Variants in HNF1B observed in about 807,000 individuals in gnomAD.
The protein encoded by HNF1B is hepatocyte nuclear factor 1-beta.
Under a neutral mutation model 61.7 loss-of-function variants are expected in HNF1B, and 8 were observed. That is an observed-to-expected ratio of 0.13 (90% CI 0.08 to 0.23). The LOEUF is 0.23. Among genes scored for constraint, HNF1B ranks in the 10% least tolerant of loss-of-function variants. The probability of loss-of-function intolerance (pLI) is 1.00; values close to 1 mark genes in which losing one functional copy is unlikely to be tolerated. For synonymous variants in HNF1B, 314 were observed against 287.7 expected, an observed-to-expected ratio of 1.09 and a Z score of -0.93; for missense variants, 562 against 714.5, an observed-to-expected ratio of 0.79 and a Z score of 2.43.
intron 4 of HNF1B, among the ~76,000 whole-genome samples, chr17:37,726,164 C>T (rs1025851828): frequency 2.4e-5 from 3 of 123,770 alleles, no homozygotes; most frequent in East Asian, 2.5e-4. Flanking sequence ...GTGTCTTTCT[C>T]TCTCTCTCTC....
In HNF1B at chr17:37,724,124, A is replaced by C. The variant is rs10451318; in HGVS notation, c.1045+7471T>G. Among the ~76,000 whole-genome samples, 78 of 152,320 alleles carry C rather than the reference A, an allele frequency of 5.1e-4. 1 individual carries two copies. Among genetic ancestry groups the C allele is most frequent in the African/African-American group, 1.8e-3 (75 of 41,562 alleles). ...AGTTGCTAATCCAACTCCAGTACTCAAAAGTGTGTCCCAGACCATCCTCTT... is the reference window on the plus strand; with the variant it reads ...AGTTGCTAATCCAACTCCAGTACTCCAAAGTGTGTCCCAGACCATCCTCTT... On this transcript the variant is annotated intron_variant, in intron 4 of 8. Transcript: ENST00000617811.
At chr17:37,733,875 C>T in intron 2 of HNF1B, 54 bp from the exon 3 acceptor site, 12 of 1,417,460 alleles carry the variant, frequency 8.5e-6, no homozygotes, top group Non-Finnish European at 1.0e-5. Flanking sequence ...ACTCAGCAGA[C>T]AGACAGACAG....
Position 37,733,631 on chromosome 17 carries a change from G to A in HNF1B, c.735C>T (p.Ile245=). 6.2e-7 allele frequency: 1 copy of A among 1,614,148 alleles called. No homozygotes were observed. Among genetic ancestry groups the A allele is most frequent in the Middle Eastern group, 1.6e-4 (1 of 6,062 alleles). Residue 245 remains isoleucine, a synonymous_variant, in exon 3 of 9, where the codon ATC becomes ATT. Transcript: ENST00000617811. ...TTTGCCGATCGTAGGCCTGGTACAAGATTTGCTGGGACGCGGGCCCCCATT... is the reference window on the plus strand; with the variant it reads ...TTTGCCGATCGTAGGCCTGGTACAAAATTTGCTGGGACGCGGGCCCCCATT... ...RFKWGPASQQ[I]LYQAYDRQKN...
rs572166765 is a variant in HNF1B at position 37,711,778 on chromosome 17, AGGT to A, written c.1046-1118_1046-1116del. Among the ~76,000 whole-genome samples the A allele has an allele frequency of 7.9e-5, 12 of 152,338 alleles. No individual in the cohort carries two copies. The East Asian group carries it at 1.2e-3, about 15-fold the overall frequency. Reference sequence around the variant, plus strand: ...GCTCTAGGCATGGAATTATCTGGATAGGTGGACCAACTCTTTAGCTGCACGTCT... The same window carrying A: ...GCTCTAGGCATGGAATTATCTGGATAGGACCAACTCTTTAGCTGCACGTCT... On this transcript the variant is annotated intron_variant, in intron 4 of 8. Transcript: ENST00000617811.
At chr17:37,741,822 A>C (rs142612201) in intron 1 of HNF1B, among the ~76,000 whole-genome samples, 1,692 of 152,352 alleles carry the variant, frequency 0.011, 23 homozygotes, top group African/African-American at 0.038. Context: ...GAATTAGCCC[A>C]ACAATTGGGG....
At chr17:37,717,200 A>T (rs1175725761) in intron 4 of HNF1B, among the ~76,000 whole-genome samples, 2 of 152,122 alleles carry the variant, frequency 1.3e-5, no homozygotes, top group African/African-American at 2.4e-5. Flanking sequence ...TATGAGCTGC[A>T]CCCAGAATCT....
chr17:37,729,635 C>A (rs2033622746), intron 4 of HNF1B: 1 of 152,182 alleles, frequency 6.6e-6, no homozygotes, highest in Non-Finnish European at 1.5e-5. Context: ...ACAGTAACCT[C>A]CCAGAGGGCA....
At chr17:37,716,439 T>C (rs963379240) in intron 4 of HNF1B, among the ~76,000 whole-genome samples, 1 of 152,066 alleles carries the variant, frequency 6.6e-6, no homozygotes, top group Non-Finnish European at 1.5e-5. Context: ...CCTCAAGTGA[T>C]CCGCCCGCCT....
At chr17:37,739,822 T>C (rs894669691) in intron 1 of HNF1B, among the ~76,000 whole-genome samples, 183 bp from the exon 2 acceptor site, 3 of 152,142 alleles carry the variant, frequency 2.0e-5, no homozygotes, top group Non-Finnish European at 2.9e-5. Flanking sequence ...TGACTGCCCC[T>C]GTACGGTACA....
At chr17:37,715,337 T>C (rs2033070507) in intron 4 of HNF1B, among the ~76,000 whole-genome samples, 1 of 152,188 alleles carries the variant, frequency 6.6e-6, no homozygotes, top group South Asian at 2.1e-4. Context: ...CCCAGCAGCT[T>C]TGAGCACCCA....
At chr17:37,694,581 G>A (rs753486807) in intron 8 of HNF1B, among the ~76,000 whole-genome samples, 3 of 151,992 alleles carry the variant, frequency 2.0e-5, no homozygotes, top group Non-Finnish European at 2.9e-5. Context: ...TTAGAGACCT[G>A]TTAAGTGGTT....
chr17:37,741,978 G>C (rs970135988), intron 1 of HNF1B, among the ~76,000 whole-genome samples: 1 of 152,212 alleles, frequency 6.6e-6, no homozygotes, highest in Non-Finnish European at 1.5e-5. Flanking sequence ...GGGAAGAGCC[G>C]GGAGAGCTGG....
At chr17:37,697,069 G>A (rs2032409379) in intron 8 of HNF1B, among the ~76,000 whole-genome samples, 1 of 152,216 alleles carries the variant, frequency 6.6e-6, no homozygotes, top group African/African-American at 2.4e-5. Context: ...AGGCAAGTAT[G>A]TGGAGTCAAA....
intron 8 of HNF1B, among the ~76,000 whole-genome samples, chr17:37,696,468 G>A (rs2411155): frequency 0.14 from 21,986 of 151,918 alleles, 1,667 homozygotes; most frequent in Middle Eastern, 0.22. Context: ...ATAAATAAGA[G>A]CCCAGGGCAG....
chr17:37,735,376 G>A (rs537785479), intron 2 of HNF1B, among the ~76,000 whole-genome samples: 1 of 152,332 alleles, frequency 6.6e-6, no homozygotes, highest in Non-Finnish European at 1.5e-5. Context: ...CCATCGGGAG[G>A]AATGGTTAGG....
At chr17:37,721,977 G>A (rs888861563) in intron 4 of HNF1B, among the ~76,000 whole-genome samples, 4 of 152,102 alleles carry the variant, frequency 2.6e-5, no homozygotes, top group Admixed American at 1.3e-4. Context: ...GGCTTTTGTC[G>A]AAAGTTCTTA....
At chr17:37,737,415 G>C (rs532975103) in intron 2 of HNF1B, among the ~76,000 whole-genome samples, 14 of 152,302 alleles carry the variant, frequency 9.2e-5, no homozygotes, top group African/African-American at 3.1e-4. Context: ...TAAGTCCCTG[G>C]AGAAAAGAAC....
chr17:37,692,017 G>A (rs1001082585), intron 8 of HNF1B, among the ~76,000 whole-genome samples: 1 of 152,218 alleles, frequency 6.6e-6, no homozygotes, highest in East Asian at 1.9e-4. Context: ...TTCTAACTGA[G>A]GTCAGTGGTT....
Position 37,744,661 on chromosome 17 carries a change from G to A in HNF1B, c.224C>T (p.Ser75Phe), listed in dbSNP as rs1425769671. Residue 75 changes from serine (S) to phenylalanine (F), a missense_variant, in exon 1 of 9, where the codon TCC (serine) becomes TTC (phenylalanine). This residue lies in a region of HNF1B where 148 missense variants were observed against 147.3 expected (regional missense o/e 1.00). Transcript: ENST00000617811. Reference sequence around the variant, plus strand: ...GCCGTCCTCGGAGCCCTCGTCGCCGGACAAGCGGCCCTTGGCGTGGCCGTT... The same window carrying A: ...GCCGTCCTCGGAGCCCTCGTCGCCGAACAAGCGGCCCTTGGCGTGGCCGTT... Reference protein sequence around the residue: ...LTNGHAKGRLSGDEGSEDGDD... With the variant: ...LTNGHAKGRLFGDEGSEDGDD... 7 of 1,613,228 alleles carry A rather than the reference G, an allele frequency of 4.3e-6. No homozygotes were observed. In the Middle Eastern group the frequency reaches 9.9e-4, roughly 228 times the overall value.
Sources: gnomAD v4.1 joint callset for allele counts (sites outside exome capture counted in the v4.1 genomes callset) on GRCh38, gnomAD v4.1.1 for gene constraint, gnomAD v4.1.1 regional missense constraint, MANE v1.5 for transcripts, NCBI Gene and HGNC (gene_info 2026-07-23, HGNC 2026-07-21) for gene names.